OXNAD1: variants seen among roughly 807,000 people sequenced by gnomAD.
OXNAD1 encodes the protein oxidoreductase NAD-binding domain-containing protein 1.
A neutral mutation model predicts 32.9 loss-of-function variants in OXNAD1; 34 were observed. That is an observed-to-expected ratio of 1.03 (90% confidence interval 0.79 to 1.38). The LOEUF is 1.38. Among genes scored for constraint, OXNAD1 ranks in the 40% most tolerant of loss-of-function variants. The probability of loss-of-function intolerance (pLI) is 0.00; values close to 1 mark genes in which losing one functional copy is unlikely to be tolerated. For missense variants in OXNAD1, 407 were observed against 379.4 expected, an observed-to-expected ratio of 1.07 and a Z score of -0.60; for synonymous variants, 134 against 135.2, an observed-to-expected ratio of 0.99 and a Z score of 0.06.
chr3:16,333,747 A>G (rs2070559816), intron 9 of OXNAD1, among the ~76,000 whole-genome samples: 1 of 152,248 alleles, frequency 6.6e-6, no homozygotes, highest in Non-Finnish European at 1.5e-5. Flanking sequence ...GCTTGTAAAA[A>G]TTGAAAAGAA....
rs2069004390 is a variant in OXNAD1 at position 16,321,131 on chromosome 3, CTAGA to C, written c.*31-15977_*31-15974del. ...GCCCCTAAGGTGCAATGCCATTCCT[CTAGA>C]TAGGGTGGCGGTTGGCCAGGTGGGC... is the stretch of plus-strand genomic sequence containing the variant. On this transcript the variant is annotated intron_variant, in intron 9 of 9. Transcript: ENST00000435829. This position sits in a 1 kb window ranked among gnomAD's most constrained non-coding sequence, Gnocchi z 4.8. Among the ~76,000 whole-genome samples the C allele has an allele frequency of 6.6e-6, 1 of 151,876 alleles. No homozygotes were observed. Among genetic ancestry groups the C allele is most frequent in the South Asian group, 2.1e-4 (1 of 4,812 alleles).
Position 16,288,747 on chromosome 3 carries a change from A to G in OXNAD1, c.290+2299A>G, listed in dbSNP as rs2066236684. On this transcript the variant is annotated intron_variant, in intron 5 of 8. Transcript: ENST00000285083. The surrounding 1 kb of genome is among the most constrained non-coding windows in gnomAD (Gnocchi z 5.1). ...CTTGGTTCATCTTACTAGTAGGCCTACCACTTGCTAGCTCCTTGGTGAGGC... is the reference window on the plus strand; with the variant it reads ...CTTGGTTCATCTTACTAGTAGGCCTGCCACTTGCTAGCTCCTTGGTGAGGC... Among the ~76,000 whole-genome samples, 1 of 152,182 alleles carries G rather than the reference A, an allele frequency of 6.6e-6. No homozygotes were observed. Among genetic ancestry groups the G allele is most frequent in the South Asian group, 2.1e-4 (1 of 4,820 alleles).
chr3:16,336,675 T>TA lies in OXNAD1; in HGVS notation c.*31-431dup, dbSNP rs202103565. The stretch of plus-strand genomic sequence containing the variant: ...TTCAAAGAGAATAATTTTTTTTTTT[T>TA]AAAAAAGCTTAGTTCTTAGATGCAG... On this transcript the variant is annotated intron_variant, in intron 9 of 9. Coordinates refer to the OXNAD1 transcript ENST00000435829. This position sits in a 1 kb window ranked among gnomAD's most constrained non-coding sequence, Gnocchi z 6.0. Among the ~76,000 whole-genome samples the TA allele has an allele frequency of 7.6e-4, 115 of 151,778 alleles. 2 individuals carry two copies. The highest frequency in any genetic ancestry group is 1.5e-3 in the East Asian group (8 of 5,168).
intron 6 of OXNAD1, among the ~76,000 whole-genome samples, chr3:16,295,782 C>T (rs920440196): frequency 2.6e-5 from 4 of 152,172 alleles, no homozygotes; most frequent in African/African-American, 4.8e-5. Flanking sequence ...ACCAAAAACA[C>T]ATACCAGTAT....
chr3:16,271,461 C>T lies in OXNAD1; in HGVS notation c.120-198C>T, dbSNP rs1036960392. Among the ~76,000 whole-genome samples the T allele has an allele frequency of 1.3e-5, 2 of 152,204 alleles. No individual in the cohort carries two copies. The highest frequency in any genetic ancestry group is 4.8e-5 in the African/African-American group (2 of 41,440). On this transcript the variant is annotated intron_variant, in intron 3 of 8. Coordinates refer to ENST00000285083, the MANE Select transcript of OXNAD1 (RefSeq NM_138381.5). This position sits in a 1 kb window ranked among gnomAD's most constrained non-coding sequence, Gnocchi z 4.6. ...TCAGATGATCTGCCTGCCTCGGCCTCCCAAAGTGCTGAGATTACAGGCATG... is the reference window on the plus strand; with the variant it reads ...TCAGATGATCTGCCTGCCTCGGCCTTCCAAAGTGCTGAGATTACAGGCATG...
rs2068500797 is a variant in OXNAD1, at chr3:16,317,204, A to G, written c.*30+13612A>G. 6.2e-7 allele frequency: 1 copy of G among 1,612,978 alleles called. No individual in the cohort carries two copies. The highest frequency in any genetic ancestry group is 2.2e-5 in the East Asian group (1 of 44,842). The stretch of plus-strand genomic sequence containing the variant: ...TGATTTCCTCATCTGCCTGTTGTGC[A>G]TTTCTTCTCTGGAGAATCGCCACTG... On this transcript the variant is annotated intron_variant, in intron 9 of 9. Transcript: ENST00000435829. This position sits in a 1 kb window ranked among gnomAD's most constrained non-coding sequence, Gnocchi z 4.3.
chr3:16,302,669 T>A lies in OXNAD1; in HGVS notation c.705T>A (p.Phe235Leu), dbSNP rs752235049. Residue 235 changes from phenylalanine to leucine, a missense_variant, in exon 8 of 9, where the codon TTT becomes TTA. Phe to Leu is a conservative substitution (Grantham distance 22). Coordinates refer to ENST00000285083, the MANE Select transcript of OXNAD1 (RefSeq NM_138381.5). The surrounding 1 kb of genome is among the most constrained non-coding windows in gnomAD (Gnocchi z 4.2). Reference sequence around the variant, plus strand: ...ATATCCTTGATTTAGTAAATGAATTTCCTGAGAAGATTGCATGCAGTTTGC... The same window carrying A: ...ATATCCTTGATTTAGTAAATGAATTACCTGAGAAGATTGCATGCAGTTTGC... ...KKNILDLVNE[F>L]PEKIACSLHV... 13 of 1,612,742 alleles carry A rather than the reference T, an allele frequency of 8.1e-6. No individual in the cohort carries two copies. The highest frequency in any genetic ancestry group is 9.3e-6 in the Non-Finnish European group (11 of 1,179,224).
intron 9 of OXNAD1, among the ~76,000 whole-genome samples, chr3:16,324,612 G>GTCCC (rs1270315325): frequency 2.1e-4 from 15 of 71,074 alleles, no homozygotes; most frequent in African/African-American, 3.6e-4. Context: ...GAATGTCCCT[G>GTCCC]ACCCCCCCCC....
intron 9 of OXNAD1, chr3:16,347,713 G>A (rs1282739177): frequency 6.6e-6 from 1 of 152,230 alleles, no homozygotes; most frequent in African/African-American, 2.4e-5. Flanking sequence ...AGAGGAGAGA[G>A]GAGGATTCAG....
chr3:16,302,882 C>A lies in OXNAD1; in HGVS notation c.784+134C>A, dbSNP rs993313090. Reference sequence around the variant, plus strand: ...ACTATCTGGGGAATTGGGATGATTCCTCATGGAAAAATGGATATTTAGTTG... The same window carrying A: ...ACTATCTGGGGAATTGGGATGATTCATCATGGAAAAATGGATATTTAGTTG... On this transcript the variant is annotated intron_variant, in intron 8 of 8. Coordinates refer to ENST00000285083, the MANE Select transcript of OXNAD1 (RefSeq NM_138381.5). The surrounding 1 kb of genome is among the most constrained non-coding windows in gnomAD (Gnocchi z 4.2). 8 of 711,792 alleles carry A rather than the reference C, an allele frequency of 1.1e-5. No homozygotes were observed. Among genetic ancestry groups the A allele is most frequent in the Admixed American group, 5.7e-5 (2 of 35,340 alleles). 44.1% of individuals were successfully genotyped at this position (711,792 alleles called of 1,614,324 possible). A position where few individuals can be genotyped will look rare whatever the true frequency, so the allele number is the denominator to read the frequency against.
At chr3:16,337,722 C>G (rs1488124456), downstream of OXNAD1, among the ~76,000 whole-genome samples, 1 of 137,402 alleles carries the variant, frequency 7.3e-6, no homozygotes, top group East Asian at 2.1e-4. The surrounding 1 kb of genome is among the most constrained non-coding windows in gnomAD (Gnocchi z 5.0). Context: ...AGCCTGGCGA[C>G]AGAGCGAGAC....
rs190461512 is a variant in OXNAD1 at position 16,311,760 on chromosome 3, T to G, written c.*30+8168T>G. Among the ~76,000 whole-genome samples the G allele has an allele frequency of 2.2e-3, 342 of 152,056 alleles. 3 individuals carry two copies. The highest frequency in any genetic ancestry group is 8.1e-3 in the African/African-American group (334 of 41,470). ...CTGCAGCATCTCTGGGATCCCTGCA[T>G]TTTCCTCATTCAGCAGCCAGAAAGA... is the stretch of plus-strand genomic sequence containing the variant. On this transcript the variant is annotated intron_variant, in intron 9 of 9. Coordinates refer to the OXNAD1 transcript ENST00000435829.
rs148602482 is a variant in OXNAD1, at chr3:16,280,394, G to A, written c.184-5948G>A. 1.1e-4 allele frequency among the ~76,000 whole-genome samples: 17 copies of A among 152,190 alleles called. No homozygotes were observed. The highest frequency in any genetic ancestry group is 4.1e-4 in the African/African-American group (17 of 41,448). On this transcript the variant is annotated intron_variant, in intron 4 of 8. Coordinates refer to ENST00000285083, the MANE Select transcript of OXNAD1 (RefSeq NM_138381.5). The surrounding 1 kb of genome is among the most constrained non-coding windows in gnomAD (Gnocchi z 4.5). ...CATAAGCCATTTAAGAAGTTAAATT[G>A]TGTGGTTGACGGAGAATTTTGTGTC... is the stretch of plus-strand genomic sequence containing the variant.
intron 4 of OXNAD1, among the ~76,000 whole-genome samples, chr3:16,285,388 A>G (rs2066006120): frequency 6.6e-6 from 1 of 152,196 alleles, no homozygotes; most frequent in African/African-American, 2.4e-5. Flanking sequence ...GGAGAGGGCT[A>G]TATTTTGGTT....
intron 5 of OXNAD1, among the ~76,000 whole-genome samples, chr3:16,294,266 A>T (rs2125065911): frequency 6.6e-6 from 1 of 151,266 alleles, no homozygotes; most frequent in Admixed American, 6.6e-5. Flanking sequence ...GCAGTGGCGC[A>T]ATCTTGGCTC....
intron 4 of OXNAD1, among the ~76,000 whole-genome samples, chr3:16,282,037 A>ATTTTTTTTTT (rs779324288): frequency 2.7e-4 from 26 of 95,692 alleles, no homozygotes; most frequent in Non-Finnish European, 3.6e-4. Context: ...AATGTTTGTA[A>ATTTTTTTTTT]TTTTTTTTTT....
chr3:16,292,015 A>G (rs1238069125), intron 5 of OXNAD1, among the ~76,000 whole-genome samples: 1 of 152,202 alleles, frequency 6.6e-6, no homozygotes, highest in Non-Finnish European at 1.5e-5. Flanking sequence ...CTTATTAGCC[A>G]TTTATATGTC....
downstream of OXNAD1, chr3:16,340,020 T>G (rs1204178466): frequency 2.0e-5 from 3 of 152,238 alleles, no homozygotes; most frequent in African/African-American, 7.2e-5. Flanking sequence ...TATGGGTATT[T>G]TGCATGTGGA....
At chr3:16,300,220 A>T (rs1471206139) in intron 6 of OXNAD1, among the ~76,000 whole-genome samples, 1 of 152,248 alleles carries the variant, frequency 6.6e-6, no homozygotes, top group Non-Finnish European at 1.5e-5. Flanking sequence ...TTTAAATAAC[A>T]TAATTCTCTA....
Sources: allele counts gnomAD v4.1 joint callset (sites outside exome capture counted in the v4.1 genomes callset), GRCh38; gene constraint gnomAD v4.1.1; non-coding constraint Gnocchi (gnomAD v3.1); transcripts MANE v1.5; gene names NCBI Gene and HGNC (gene_info 2026-07-23, HGNC 2026-07-21).